LAT2: variants seen among roughly 807,000 people sequenced by gnomAD.
The protein encoded by LAT2 is linker for activation of T-cells family member 2.
A neutral mutation model predicts 43.4 loss-of-function variants in LAT2; 23 were observed. The ratio of observed to expected loss-of-function variants is 0.53; its 90% CI spans 0.38 to 0.75. The LOEUF is 0.75. LAT2 is among the 30% of genes least tolerant of loss of function. LAT2 has a pLI of 0.00. For missense variants in LAT2, 284 were observed against 310.2 expected, an observed-to-expected ratio of 0.92 and a Z score of 0.64; for synonymous variants, 128 against 123.2, an observed-to-expected ratio of 1.04 and a Z score of -0.26.
At chr7:74,223,996 G>T (rs781866369) in intron 11 of LAT2, 22 bp from the exon 12 acceptor site, 15 of 1,610,124 alleles carry the variant, frequency 9.3e-6, no homozygotes, top group Non-Finnish European at 1.2e-5. Flanking sequence ...AGCCAAGGGG[G>T]GCCTATTCTC....
In LAT2 at chr7:74,220,279, G is replaced by A; in HGVS notation, c.265+25G>A. ...GGTGAGTGGCACAGGGCAGGGACAG[G>A]GACAGGCCTAGCCAAGCTGGGACTA... On this transcript the variant is annotated intron_variant, in intron 7 of 13. Transcript: ENST00000460943. The surrounding 1 kb of genome is among the most constrained non-coding windows in gnomAD (Gnocchi z 4.5). The A allele has an allele frequency of 6.2e-7, 1 of 1,605,910 alleles. No individual in the cohort carries two copies. The highest frequency in any genetic ancestry group is 1.3e-5 in the African/African-American group (1 of 74,820).
chr7:74,214,127 AAT>A (rs1201958581), intron 1 of LAT2, among the ~76,000 whole-genome samples: 14 of 59,556 alleles, frequency 2.4e-4, no homozygotes, highest in East Asian at 1.6e-3. Flanking sequence ...TATATATATA[AAT>A]ATATATATGA....
intron 1 of LAT2, among the ~76,000 whole-genome samples, 191 bp from the exon 2 acceptor site, chr7:74,214,611 AATATATATATGAATATATAT>A (rs1331406052): frequency 0.013 from 10 of 762 alleles, 2 homozygotes; most frequent in African/African-American, 0.041. Context: ...AATATATATA[AATATATATATGAATATATAT>A]ATATATATAT....
intron 1 of LAT2, among the ~76,000 whole-genome samples, chr7:74,213,048 C>A (rs1302768642): frequency 6.6e-6 from 1 of 152,146 alleles, no homozygotes; most frequent in African/African-American, 2.4e-5. Flanking sequence ...AGGGGGACAG[C>A]CCAGGTCCTG....
At chr7:74,225,021 C>A in intron 13 of LAT2, 1 of 314,516 alleles carries the variant, frequency 3.2e-6, no homozygotes, top group Non-Finnish European at 6.0e-6. Flanking sequence ...CCACTGCATC[C>A]TCCTGGCTGC....
rs1554714742 is a variant in LAT2 at position 74,219,666 on chromosome 7, C to G, written c.135-78C>G. The G allele has an allele frequency of 2.6e-6, 4 of 1,559,806 alleles. No homozygotes were observed. The African/African-American group carries it at 4.1e-5, about 16-fold the overall frequency. On this transcript the variant is annotated intron_variant, in intron 4 of 13. Coordinates refer to ENST00000460943, the MANE Select transcript of LAT2 (RefSeq NM_032464.3). ...CTCTGCTTTCCCTCCTCATCCCTGC[C>G]TGTCCCTCCCTCCTGTCCCTGTGTT...
intron 10 of LAT2, among the ~76,000 whole-genome samples, chr7:74,222,473 T>C (rs1165211653): frequency 6.6e-6 from 1 of 151,558 alleles, no homozygotes; most frequent in African/African-American, 2.4e-5. Context: ...GAGAGGTGCA[T>C]GGGCCTGCGG....
intron 13 of LAT2, among the ~76,000 whole-genome samples, chr7:74,226,697 G>GT (rs1802501545): frequency 6.6e-6 from 1 of 152,134 alleles, no homozygotes; most frequent in African/African-American, 2.4e-5. Flanking sequence ...GACATGGCAT[G>GT]TTCACTGGTG....
chr7:74,214,229 A>T lies in LAT2; in HGVS notation c.-218-593A>T, dbSNP rs373605307. Among the ~76,000 whole-genome samples, 66 of 73,840 alleles carry T rather than the reference A, an allele frequency of 8.9e-4. 1 individual carries two copies. In the East Asian group the frequency reaches 0.011, roughly 12 times the overall value. 48.4% of individuals were successfully genotyped at this position (73,840 alleles called of 152,430 possible). ...ATATATATGAAAATATATATATGAA[A>T]ATATATATGAAAATATATATATAAA... On this transcript the variant is annotated intron_variant, in intron 1 of 13. Transcript: ENST00000460943.
chr7:74,224,308 G>A (rs1274558441), intron 12 of LAT2, 111 bp downstream of exon 12: 20 of 1,163,304 alleles, frequency 1.7e-5, no homozygotes, highest in African/African-American at 1.4e-4. Flanking sequence ...AGCTAACCCC[G>A]CAGTGATGCC....
chr7:74,214,133 T>G (rs1300740359), intron 1 of LAT2, among the ~76,000 whole-genome samples: 2 of 58,918 alleles, frequency 3.4e-5, no homozygotes, highest in Non-Finnish European at 6.3e-5. Context: ...TATAAATATA[T>G]ATATGAAAAT....
intron 1 of LAT2, among the ~76,000 whole-genome samples, chr7:74,212,273 T>C (rs1801759703): frequency 6.6e-6 from 1 of 150,848 alleles, no homozygotes; most frequent in Non-Finnish European, 1.5e-5. Flanking sequence ...ATTTATTTAA[T>C]TTATTATTAT....
At chr7:74,212,351 G>GCTCACTGCAA (rs1554713269) in intron 1 of LAT2, among the ~76,000 whole-genome samples, 1 of 151,894 alleles carries the variant, frequency 6.6e-6, no homozygotes, top group Non-Finnish European at 1.5e-5. Context: ...CGTGATCTCA[G>GCTCACTGCAA]CTCACTGCAA....
At chr7:74,223,597 G>A (rs1802371295) in intron 10 of LAT2, 127 bp from the exon 11 acceptor site, 4 of 838,536 alleles carry the variant, frequency 4.8e-6, no homozygotes, top group East Asian at 4.9e-5. Context: ...AGGTCCCGGG[G>A]GACCCAGAGG....
intron 1 of LAT2, among the ~76,000 whole-genome samples, chr7:74,214,075 T>TATATATATGAAAAAATATATATATAA (rs1801842518): frequency 3.2e-5 from 4 of 124,642 alleles, no homozygotes; most frequent in African/African-American, 1.3e-4. Flanking sequence ...TATATATAAA[T>TATATATATGAAAAAATATATATATAA]ATATATATAT....
Position 74,219,009 on chromosome 7 carries a change from C to CTTTT in LAT2, c.135-700_135-697dup, listed in dbSNP as rs781806954. 8.2e-5 allele frequency among the ~76,000 whole-genome samples: 4 copies of CTTTT among 48,804 alleles called. 1 individual carries two copies. Among genetic ancestry groups the CTTTT allele is most frequent in the African/African-American group, 2.2e-4 (3 of 13,922 alleles). 32.0% of individuals were successfully genotyped at this position (48,804 alleles called of 152,430 possible). A position where few individuals can be genotyped will look rare whatever the true frequency, so the allele number is the denominator to read the frequency against. The stretch of plus-strand genomic sequence containing the variant: ...CACCATGCCGGGTCTAGAGTGTGTG[C>CTTTT]TTTTTTTTTTTTTTTTTTTTTTTTT... On this transcript the variant is annotated intron_variant, in intron 4 of 13. Coordinates refer to ENST00000460943, the MANE Select transcript of LAT2 (RefSeq NM_032464.3).
chr7:74,212,222 C>T lies in LAT2; in HGVS notation c.-219+2134C>T, dbSNP rs149872120. On this transcript the variant is annotated intron_variant, in intron 1 of 13. Coordinates refer to ENST00000460943, the MANE Select transcript of LAT2 (RefSeq NM_032464.3). Reference sequence around the variant, plus strand: ...GGCCTCCCAGTGTTGAGATTACAGGCGTCAGCCACCACGCCCAGCCTGATC... The same window carrying T: ...GGCCTCCCAGTGTTGAGATTACAGGTGTCAGCCACCACGCCCAGCCTGATC... 3.6e-3 allele frequency among the ~76,000 whole-genome samples: 540 copies of T among 151,858 alleles called. 6 individuals are homozygous for T. The highest frequency in any genetic ancestry group is 0.012 in the African/African-American group (513 of 41,412).
intron 1 of LAT2, among the ~76,000 whole-genome samples, chr7:74,211,275 G>C (rs1554713094): frequency 6.6e-6 from 1 of 152,056 alleles, no homozygotes; most frequent in Non-Finnish European, 1.5e-5. Context: ...CAGAGACAGA[G>C]AGAGAGCACA....
intron 4 of LAT2, among the ~76,000 whole-genome samples, chr7:74,218,384 G>T (rs1554714536): frequency 6.6e-6 from 1 of 152,178 alleles, no homozygotes; most frequent in East Asian, 1.9e-4. Flanking sequence ...TACCCATTCT[G>T]GTTCAGAGGA....
Sources: allele counts gnomAD v4.1 joint callset (sites outside exome capture counted in the v4.1 genomes callset), GRCh38; gene constraint gnomAD v4.1.1; non-coding constraint Gnocchi (gnomAD v3.1); transcripts MANE v1.5; gene names NCBI Gene and HGNC (gene_info 2026-07-23, HGNC 2026-07-21).